Variants in SMAD5 observed in about 807,000 individuals in gnomAD.
SMAD5 encodes the protein MAD, mothers against decapentaplegic homolog 5.
In SMAD5, 9 loss-of-function variants were observed where a neutral mutation model predicts 43.1. The observed-to-expected ratio is 0.21, with a 90% CI of 0.13 to 0.36. The LOEUF is 0.36. Ranked by LOEUF, SMAD5 falls within the 10% of genes least tolerant of loss-of-function variation. The pLI is 1.00. For missense variants in SMAD5, 348 were observed against 574.0 expected, an observed-to-expected ratio of 0.61 and a Z score of 4.02; for synonymous variants, 190 against 192.4, an observed-to-expected ratio of 0.99 and a Z score of 0.10.
intron 5 of SMAD5, among the ~76,000 whole-genome samples, chr5:136,164,209 A>G (rs1753919744): frequency 6.6e-6 from 1 of 152,156 alleles, no homozygotes; most frequent in African/African-American, 2.4e-5. Context: ...AAAACAAACA[A>G]AAATCGCATG....
intron 2 of SMAD5, among the ~76,000 whole-genome samples, chr5:136,150,528 G>T (rs1024930377): frequency 6.6e-6 from 1 of 151,852 alleles, no homozygotes; most frequent in African/African-American, 2.4e-5. Context: ...TTATTAATTA[G>T]TTTTTATTAT....
intron 1 of SMAD5, among the ~76,000 whole-genome samples, chr5:136,139,850 T>C (rs1753014327): frequency 6.6e-6 from 1 of 151,824 alleles, no homozygotes; most frequent in Non-Finnish European, 1.5e-5. Context: ...CATGTGCCAC[T>C]GCACCTGGCT....
At chr5:136,172,935 A>G in intron 6 of SMAD5, 1 of 411,320 alleles carries the variant, frequency 2.4e-6, no homozygotes, top group East Asian at 4.9e-5. Context: ...CTGTACAGGA[A>G]CTTGCTTTGT....
chr5:136,149,805 G>A (rs7706286), intron 2 of SMAD5, among the ~76,000 whole-genome samples: 54,639 of 151,630 alleles, frequency 0.36, 10,829 homozygotes, highest in African/African-American at 0.54. Context: ...AAAGTGCTAA[G>A]TTTTTTAGTC....
intron 4 of SMAD5, among the ~76,000 whole-genome samples, chr5:136,162,471 G>T (rs1753853875): frequency 6.6e-6 from 1 of 152,178 alleles, no homozygotes; most frequent in African/African-American, 2.4e-5. Context: ...CTTTTGAAGA[G>T]AAATTAAGTG....
chr5:136,154,734 C>A (rs539998453), intron 3 of SMAD5, among the ~76,000 whole-genome samples: 1 of 152,172 alleles, frequency 6.6e-6, no homozygotes, highest in East Asian at 1.9e-4. Context: ...CTTGTGACTT[C>A]TCTAGTTAGT....
chr5:136,164,792 A>G (rs945283460), intron 5 of SMAD5, among the ~76,000 whole-genome samples: 2 of 152,140 alleles, frequency 1.3e-5, no homozygotes, highest in African/African-American at 2.4e-5. Context: ...ATTTTTGTCT[A>G]TCCCAAGGTC....
Position 136,176,128 on chromosome 5 carries a change from A to G in SMAD5, c.1255-1209A>G, listed in dbSNP as rs181313763. ...TCTACAATGCCTTATCTGATATTCA[A>G]ACAACTTGAAAATAAAAAATTTTTC... On this transcript the variant is annotated intron_variant, in intron 7 of 7. Transcript: ENST00000545279. Among the ~76,000 whole-genome samples, 325 of 152,196 alleles carry G rather than the reference A, an allele frequency of 2.1e-3. 1 individual carries two copies. The highest frequency in any genetic ancestry group is 3.7e-3 in the Non-Finnish European group (250 of 68,000).
chr5:136,141,225 G>A (rs961733858), intron 1 of SMAD5, among the ~76,000 whole-genome samples: 2 of 152,168 alleles, frequency 1.3e-5, no homozygotes, highest in African/African-American at 4.8e-5. Context: ...AGTATAGGAA[G>A]ATAAATGCTT....
At chr5:136,157,298 G>T (rs1753668657) in intron 3 of SMAD5, among the ~76,000 whole-genome samples, 1 of 152,064 alleles carries the variant, frequency 6.6e-6, no homozygotes, top group South Asian at 2.1e-4. Context: ...AAAATAGAGG[G>T]CCAACCTAGG....
intron 1 of SMAD5, among the ~76,000 whole-genome samples, chr5:136,137,967 C>A (rs951279757): frequency 6.6e-6 from 1 of 152,188 alleles, no homozygotes; most frequent in Non-Finnish European, 1.5e-5. Flanking sequence ...GATTTGGTAT[C>A]TGCACTTGAT....
At position 136,137,279 on chromosome 5, in the gene SMAD5, C is replaced by CCT. The variant is rs1554101163; in HGVS notation, c.-245+4317_-245+4318insCT. ...TCTTGAATTTTTTGGGACCCCCCCC[C>CCT]GCATCTCTTCCTATAGCATATATGT... On this transcript the variant is annotated intron_variant, in intron 1 of 7. Coordinates refer to ENST00000545279, the MANE Select transcript of SMAD5 (RefSeq NM_005903.7). Among the ~76,000 whole-genome samples, 1,181 of 150,242 alleles carry CCT rather than the reference C, an allele frequency of 7.9e-3. 46 individuals are homozygous for CCT. Among genetic ancestry groups the CCT allele is most frequent in the African/African-American group, 0.027 (1,092 of 40,498 alleles).
intron 3 of SMAD5, among the ~76,000 whole-genome samples, chr5:136,158,137 A>C (rs932530924): frequency 1.6e-4 from 24 of 152,198 alleles, no homozygotes; most frequent in Non-Finnish European, 3.1e-4. Context: ...GGAAGATGGC[A>C]GAGAGAAAAT....
chr5:136,143,423 T>A (rs1753153232), intron 1 of SMAD5, among the ~76,000 whole-genome samples: 1 of 152,020 alleles, frequency 6.6e-6, no homozygotes, highest in Non-Finnish European at 1.5e-5. Flanking sequence ...CGAACATGTC[T>A]TTCGGCTTAG....
intron 6 of SMAD5, 61 bp downstream of exon 6, chr5:136,172,716 C>G: frequency 8.7e-7 from 1 of 1,144,458 alleles, no homozygotes; most frequent in Non-Finnish European, 1.3e-6. Context: ...TTGCCATGAA[C>G]CATGCATTGT....
Position 136,174,609 on chromosome 5 carries a change from AC to A in SMAD5, c.1233del (p.Ile412PhefsTer3). ...AGTATATGAGCTCACCAAAATGTGT[AC>A]CATTCGGATGAGTTTTGTCAAGGTG... ...EAVYELTKMC[T>X]IRMSFVKGWG... On this transcript the variant is annotated frameshift_variant, in exon 7 of 8. Transcript: ENST00000545279. LOFTEE classifies it high-confidence loss of function. 1 of 1,612,178 alleles carries A rather than the reference AC, an allele frequency of 6.2e-7. No individual in the cohort carries two copies. Among genetic ancestry groups the A allele is most frequent in the Non-Finnish European group, 8.5e-7 (1 of 1,178,248 alleles).
intron 4 of SMAD5, among the ~76,000 whole-genome samples, chr5:136,161,980 A>G (rs1753839729): frequency 6.6e-6 from 1 of 152,240 alleles, no homozygotes; most frequent in African/African-American, 2.4e-5. Context: ...CTCTTCTAAT[A>G]TTAAACATTG....
At chr5:136,161,163 G>C (rs1181711821) in intron 4 of SMAD5, 56 bp downstream of exon 4, 2 of 1,532,358 alleles carry the variant, frequency 1.3e-6, no homozygotes, top group Admixed American at 3.7e-5. Context: ...AATCACAGTT[G>C]TTCTTACTGT....
chr5:136,155,390 C>G (rs1007629192), intron 3 of SMAD5, among the ~76,000 whole-genome samples: 1 of 152,176 alleles, frequency 6.6e-6, no homozygotes, highest in Non-Finnish European at 1.5e-5. Context: ...TTTGTGACAT[C>G]ACTACTTTAG....
Sources: allele counts gnomAD v4.1 joint callset (sites outside exome capture counted in the v4.1 genomes callset), GRCh38; gene constraint gnomAD v4.1.1; transcripts MANE v1.5; gene names NCBI Gene and HGNC (gene_info 2026-07-23, HGNC 2026-07-21).